Variants in MYO18A observed in about 807,000 individuals in gnomAD.
MYO18A encodes unconventional myosin-XVIIIa.
A neutral mutation model predicts 235.8 loss-of-function variants in MYO18A; 78 were observed. The observed-to-expected ratio is 0.33, with a 90% CI of 0.28 to 0.40. The LOEUF is 0.40. MYO18A is among the 10% of genes least tolerant of loss of function. The pLI is 1.00. For synonymous variants in MYO18A, 977 were observed against 1,077.8 expected, an observed-to-expected ratio of 0.91 and a Z score of 1.83; for missense variants, 2,215 against 2,699.3, an observed-to-expected ratio of 0.82 and a Z score of 3.98.
intron 2 of MYO18A, among the ~76,000 whole-genome samples, chr17:29,124,446 G>T (rs1001903373): frequency 6.6e-6 from 1 of 152,202 alleles, no homozygotes; most frequent in Non-Finnish European, 1.5e-5. Flanking sequence ...CTCCCCAGGG[G>T]CCTGACACAG....
rs376476918 is a variant in MYO18A, at chr17:29,093,461, C to T, written c.4822-34G>A. The stretch of plus-strand genomic sequence containing the variant: ...CCATGGGGACAGAGACCCGTCCGTC[C>T]CTTTAGTGCCTGGTGCGAAGCAGGC... On this transcript the variant is annotated intron_variant, in intron 31 of 41. Coordinates refer to ENST00000527372, the MANE Select transcript of MYO18A (RefSeq NM_078471.4). The T allele has an allele frequency of 3.9e-5, 60 of 1,540,698 alleles. No homozygotes were observed. In the African/African-American group the frequency reaches 7.5e-4, roughly 19 times the overall value.
chr17:29,094,523 A>G (rs148198586), intron 30 of MYO18A, 127 bp downstream of exon 30: 35,740 of 933,442 alleles, frequency 0.038, 850 homozygotes, highest in Non-Finnish European at 0.048. Context: ...ACATTTTGTG[A>G]GTAGGTGAGT....
intron 1 of MYO18A, among the ~76,000 whole-genome samples, chr17:29,171,256 T>G (rs924568184): frequency 6.6e-6 from 1 of 151,986 alleles, no homozygotes; most frequent in African/African-American, 2.4e-5. Flanking sequence ...GAGACCATCC[T>G]GAAACCCCGT....
intron 1 of MYO18A, among the ~76,000 whole-genome samples, chr17:29,176,085 G>A (rs190226615): frequency 2.0e-5 from 3 of 152,222 alleles, no homozygotes; most frequent in Non-Finnish European, 4.4e-5. Flanking sequence ...GGAAAAATTC[G>A]ATCCAAAAAT....
intron 40 of MYO18A, among the ~76,000 whole-genome samples, chr17:29,082,750 AT>A (rs2066152722): frequency 6.6e-6 from 1 of 152,144 alleles, no homozygotes; most frequent in African/African-American, 2.4e-5. Flanking sequence ...CCATCCACTC[AT>A]CAATTTCAGC....
intron 2 of MYO18A, among the ~76,000 whole-genome samples, chr17:29,148,635 C>T (rs936794880): frequency 3.3e-5 from 5 of 150,542 alleles, no homozygotes; most frequent in African/African-American, 1.2e-4. Flanking sequence ...AAAATGTCAC[C>T]TCGTATGAAA....
intron 41 of MYO18A, chr17:29,079,714 A>G: frequency 2.0e-6 from 2 of 986,002 alleles, no homozygotes; most frequent in South Asian, 9.4e-5. Context: ...AACCCAGGCC[A>G]GGTGCCACCT....
At position 29,074,800 on chromosome 17, in the gene MYO18A, T is replaced by C; in HGVS notation, c.6135A>G (p.Thr2045=). 1.2e-6 allele frequency: 2 copies of C among 1,613,314 alleles called. No individual in the cohort carries two copies. The highest frequency in any genetic ancestry group is 1.7e-6 in the Non-Finnish European group (2 of 1,179,886). ...YSHSYLSDSD[T]EAKLTETNA ...CGTTAGTCTCCGTCAGCTTGGCCTC[T>C]GTGTCGCTGTCACTCAGATAACTGT... Residue 2045 remains threonine, a synonymous_variant, in exon 42 of 42, where the codon ACA becomes ACG. Coordinates refer to ENST00000527372, the MANE Select transcript of MYO18A (RefSeq NM_078471.4). The surrounding 1 kb of genome is among the most constrained non-coding windows in gnomAD (Gnocchi z 4.4).
At chr17:29,161,731 G>T (rs1275644483) in intron 2 of MYO18A, among the ~76,000 whole-genome samples, 1 of 152,146 alleles carries the variant, frequency 6.6e-6, no homozygotes, top group African/African-American at 2.4e-5. Flanking sequence ...AGACAGACTC[G>T]CCTTCTCCTC....
At chr17:29,082,518 G>A (rs552020035) in intron 40 of MYO18A, 80 bp from the exon 41 acceptor site, 4 of 1,488,322 alleles carry the variant, frequency 2.7e-6, no homozygotes, top group African/African-American at 1.4e-5. Context: ...GGTGCAGGGG[G>A]TGTCTTGGGC....
At chr17:29,098,004 T>C in intron 25 of MYO18A, 101 bp downstream of exon 25, 2 of 1,575,548 alleles carry the variant, frequency 1.3e-6, no homozygotes, top group Non-Finnish European at 1.7e-6. Flanking sequence ...ACAGGGATGC[T>C]GGGCTAGGGG....
At chr17:29,105,914 C>T (rs561507920) in intron 20 of MYO18A, among the ~76,000 whole-genome samples, 3 of 152,240 alleles carry the variant, frequency 2.0e-5, no homozygotes, top group Admixed American at 6.5e-5. Flanking sequence ...CAGAGGCTGG[C>T]GCTTCGGTGG....
chr17:29,074,312 G>C lies in MYO18A; in HGVS notation c.*458C>G. ...AAATTAAAAAGTAGAAAGACAGCAG[G>C]CACCAAGAAGAGAGAGCCCCCACCC... On this transcript the variant is annotated 3_prime_UTR_variant, in exon 42 of 42. Coordinates refer to ENST00000527372, the MANE Select transcript of MYO18A (RefSeq NM_078471.4). This position sits in a 1 kb window ranked among gnomAD's most constrained non-coding sequence, Gnocchi z 4.4. The C allele has an allele frequency of 1.0e-6, 1 of 996,336 alleles. No homozygotes were observed. Among genetic ancestry groups the C allele is most frequent in the South Asian group, 1.8e-5 (1 of 56,708 alleles). 61.7% of individuals were successfully genotyped at this position (996,336 alleles called of 1,614,324 possible). A position where few individuals can be genotyped will look rare whatever the true frequency, so the allele number is the denominator to read the frequency against.
intron 1 of MYO18A, 117 bp from the exon 2 acceptor site, chr17:29,167,138 C>G: frequency 1.5e-6 from 1 of 669,400 alleles, no homozygotes; most frequent in Non-Finnish European, 2.4e-6. Context: ...ATGTGCCAGG[C>G]ACTCTGCCTT....
chr17:29,176,119 G>A (rs1293931350), intron 1 of MYO18A, among the ~76,000 whole-genome samples: 1 of 152,026 alleles, frequency 6.6e-6, no homozygotes, highest in Non-Finnish European at 1.5e-5. Context: ...TCTCTGGAGA[G>A]TAGGGGAGAA....
Position 29,111,340 on chromosome 17 carries a change from T to C in MYO18A, c.2900+84A>G. On this transcript the variant is annotated intron_variant, in intron 17 of 41. Coordinates refer to ENST00000527372, the MANE Select transcript of MYO18A (RefSeq NM_078471.4). This position sits in a 1 kb window ranked among gnomAD's most constrained non-coding sequence, Gnocchi z 5.1. ...CATCTACTTTGCTAGTGAGGGGGCC[T>C]CTGAGACAACCCCAGGGGGAGGGAG... 2 of 1,497,340 alleles carry C rather than the reference T, an allele frequency of 1.3e-6. No homozygotes were observed. Among genetic ancestry groups the C allele is most frequent in the South Asian group, 2.5e-5 (2 of 81,222 alleles). The allele number at this position is 1,497,340 out of a possible 1,614,324, so 92.8% of individuals were successfully genotyped here.
At position 29,117,821 on chromosome 17, in the gene MYO18A, G is replaced by T. The variant is rs1281877133; in HGVS notation, c.2038+224C>A. Among the ~76,000 whole-genome samples, 1 of 152,160 alleles carries T rather than the reference G, an allele frequency of 6.6e-6. No individual in the cohort carries two copies. The highest frequency in any genetic ancestry group is 6.5e-5 in the Admixed American group (1 of 15,280). Reference sequence around the variant, plus strand: ...CCAGCCCTCCATGCTTCCTCATGGTGCCCCCCAGCACAGCCAGCTAAGTCC... The same window carrying T: ...CCAGCCCTCCATGCTTCCTCATGGTTCCCCCCAGCACAGCCAGCTAAGTCC... On this transcript the variant is annotated intron_variant, in intron 10 of 41. Transcript: ENST00000527372. This position sits in a 1 kb window ranked among gnomAD's most constrained non-coding sequence, Gnocchi z 4.6.
chr17:29,081,650 G>A (rs2066127565), intron 41 of MYO18A, among the ~76,000 whole-genome samples: 1 of 150,874 alleles, frequency 6.6e-6, no homozygotes, highest in Non-Finnish European at 1.5e-5. Context: ...GGTGAGGGGG[G>A]AGCGAGGGCT....
At chr17:29,095,721 C>T (rs1206259363) in intron 28 of MYO18A, among the ~76,000 whole-genome samples, 2 of 152,252 alleles carry the variant, frequency 1.3e-5, no homozygotes, top group African/African-American at 4.8e-5. Context: ...TTCCTCTTAA[C>T]ACCTTCCCTG....
Sources: gnomAD v4.1 joint callset for allele counts (sites outside exome capture counted in the v4.1 genomes callset) on GRCh38, gnomAD v4.1.1 for gene constraint, Gnocchi (gnomAD v3.1) non-coding constraint, MANE v1.5 for transcripts, NCBI Gene and HGNC (gene_info 2026-07-23, HGNC 2026-07-21) for gene names.